SLC9A9: variants seen among roughly 807,000 people sequenced by gnomAD.
SLC9A9 encodes sodium/hydrogen exchanger 9.
Under a neutral mutation model 77.8 loss-of-function variants are expected in SLC9A9, and 62 were observed. The ratio of observed to expected loss-of-function variants is 0.80; its 90% CI spans 0.65 to 0.98. The LOEUF is 0.98. SLC9A9 is among the 50% of genes least tolerant of loss of function. The pLI is 0.00. For missense variants in SLC9A9, 775 were observed against 774.9 expected, an observed-to-expected ratio of 1.00 and a Z score of 0.00; for synonymous variants, 320 against 283.5, an observed-to-expected ratio of 1.13 and a Z score of -1.29.
chr3:143,396,348 A>G (rs961439095), intron 12 of SLC9A9, among the ~76,000 whole-genome samples: 3 of 52,256 alleles, frequency 5.7e-5, no homozygotes, highest in Non-Finnish European at 1.3e-4. Context: ...TCGCAAGGAT[A>G]AAAAACCAAA....
chr3:143,699,158 A>G (rs977027940), intron 4 of SLC9A9, among the ~76,000 whole-genome samples: 5 of 152,228 alleles, frequency 3.3e-5, no homozygotes, highest in African/African-American at 1.2e-4. Context: ...TCATTCATTC[A>G]TGTATTCATT....
chr3:143,514,844 T>C (rs1224274484), intron 9 of SLC9A9, among the ~76,000 whole-genome samples: 2 of 152,242 alleles, frequency 1.3e-5, no homozygotes, highest in African/African-American at 2.4e-5. Context: ...GCAGTAAGAC[T>C]GTTTTGCTTT....
intron 6 of SLC9A9, among the ~76,000 whole-genome samples, chr3:143,600,453 A>G (rs1978913): frequency 0.6 from 91,525 of 152,084 alleles, 27,662 homozygotes; most frequent in African/African-American, 0.67. Flanking sequence ...CTGGATGGAC[A>G]AGAATTCTAT....
At chr3:143,581,100 C>T (rs530286855) in intron 6 of SLC9A9, among the ~76,000 whole-genome samples, 11 of 152,214 alleles carry the variant, frequency 7.2e-5, no homozygotes, top group African/African-American at 2.2e-4. Flanking sequence ...CAACATTTAA[C>T]GGTACAAAGG....
At chr3:143,533,948 T>C (rs949030554) in intron 9 of SLC9A9, among the ~76,000 whole-genome samples, 2 of 152,210 alleles carry the variant, frequency 1.3e-5, no homozygotes, top group Non-Finnish European at 2.9e-5. Flanking sequence ...TTGAGTCATA[T>C]CTTGCAAGTT....
At chr3:143,774,861 G>A (rs2007640449) in intron 4 of SLC9A9, among the ~76,000 whole-genome samples, 1 of 152,140 alleles carries the variant, frequency 6.6e-6, no homozygotes, top group African/African-American at 2.4e-5. Flanking sequence ...TTGGGACCCT[G>A]TCTGCTTCGC....
chr3:143,657,502 T>A (rs1295650757), intron 5 of SLC9A9, among the ~76,000 whole-genome samples: 1 of 152,150 alleles, frequency 6.6e-6, no homozygotes, highest in African/African-American at 2.4e-5. Flanking sequence ...CTGGGAACTA[T>A]CCAGGAAGAT....
At chr3:143,527,051 T>C (rs1483039449) in intron 9 of SLC9A9, among the ~76,000 whole-genome samples, 1 of 152,210 alleles carries the variant, frequency 6.6e-6, no homozygotes, top group Non-Finnish European at 1.5e-5. Context: ...ACATCTCTAG[T>C]TCTGAAACAC....
intron 12 of SLC9A9, among the ~76,000 whole-genome samples, chr3:143,435,779 T>G (rs1489809771): frequency 6.6e-6 from 1 of 152,010 alleles, no homozygotes; most frequent in Non-Finnish European, 1.5e-5. Context: ...CTGAGACATC[T>G]CCCCAAAGCC....
intron 2 of SLC9A9, among the ~76,000 whole-genome samples, chr3:143,830,960 C>G (rs2009420326): frequency 6.6e-6 from 1 of 152,094 alleles, no homozygotes; most frequent in South Asian, 2.1e-4. Context: ...ATTAGTTTGA[C>G]TTTCCTGAGC....
intron 2 of SLC9A9, among the ~76,000 whole-genome samples, chr3:143,813,037 G>A (rs1037302329): frequency 1.3e-5 from 2 of 152,010 alleles, no homozygotes; most frequent in African/African-American, 4.8e-5. Context: ...GAACTTGGTG[G>A]CAGGAAGAAG....
chr3:143,370,453 A>G (rs1324778682), intron 13 of SLC9A9, among the ~76,000 whole-genome samples: 1 of 152,156 alleles, frequency 6.6e-6, no homozygotes, highest in Non-Finnish European at 1.5e-5. Flanking sequence ...GGAAGTTCAC[A>G]GCATCTCACT....
intron 5 of SLC9A9, among the ~76,000 whole-genome samples, chr3:143,652,869 C>G (rs185890318): frequency 4.7e-4 from 72 of 151,780 alleles, no homozygotes; most frequent in African/African-American, 1.7e-3. Context: ...AACTGTCCCC[C>G]TCCCAACCCT....
intron 5 of SLC9A9, among the ~76,000 whole-genome samples, chr3:143,686,370 A>G (rs2108777193): frequency 6.6e-6 from 1 of 152,270 alleles, no homozygotes. Flanking sequence ...ATTGATCAAT[A>G]GTGATTAGTA....
At chr3:143,570,642 A>G (rs1347835205) in intron 8 of SLC9A9, among the ~76,000 whole-genome samples, 2 of 152,166 alleles carry the variant, frequency 1.3e-5, no homozygotes, top group East Asian at 3.8e-4. Context: ...ATGTTTTGGA[A>G]AACATTCACT....
intron 5 of SLC9A9, among the ~76,000 whole-genome samples, chr3:143,690,236 G>A (rs920611404): frequency 6.6e-6 from 1 of 151,738 alleles, no homozygotes; most frequent in African/African-American, 2.4e-5. Context: ...TAATGTGTGG[G>A]AAGAAAAAGA....
intron 12 of SLC9A9, among the ~76,000 whole-genome samples, chr3:143,423,128 A>C (rs1361534308): frequency 6.6e-6 from 1 of 152,104 alleles, no homozygotes; most frequent in African/African-American, 2.4e-5. Context: ...GTGGTATTGA[A>C]CTGGAATTGA....
rs532970851 is a variant in SLC9A9, at chr3:143,791,497, A to G, written c.533+3504T>C. ...CTCCATGGCCTTCATGTTCTCATAC[A>G]CTTTGGATGCTGGACTTCATGGCCT... On this transcript the variant is annotated intron_variant, in intron 4 of 15. Transcript: ENST00000316549. Among the ~76,000 whole-genome samples, 5 of 152,206 alleles carry G rather than the reference A, an allele frequency of 3.3e-5. No homozygotes were observed. In the East Asian group the frequency reaches 9.7e-4, roughly 29 times the overall value.
intron 4 of SLC9A9, among the ~76,000 whole-genome samples, chr3:143,735,290 C>G (rs1934911600): frequency 6.6e-6 from 1 of 152,040 alleles, no homozygotes; most frequent in South Asian, 2.1e-4. Context: ...ACAATAGACC[C>G]CTAAAGTCCT....
Sources: allele counts gnomAD v4.1 joint callset (sites outside exome capture counted in the v4.1 genomes callset), GRCh38; gene constraint gnomAD v4.1.1; transcripts MANE v1.5; gene names NCBI Gene and HGNC (gene_info 2026-07-23, HGNC 2026-07-21).